The following KRT76 variants were observed in gnomAD, a reference collection of about 807,000 sequenced individuals.
KRT76 encodes the protein keratin, type II cytoskeletal 2 oral.
KRT76 carries 47 observed loss-of-function variants against 44.9 expected under a neutral mutation model. The observed-to-expected ratio is 1.05, with a 90% CI of 0.83 to 1.33. KRT76 has a LOEUF of 1.33. Ranked by LOEUF, KRT76 falls within the 40% of genes most tolerant of loss-of-function variation. KRT76 has a pLI of 0.00. For synonymous variants in KRT76, 331 were observed against 294.1 expected (o/e 1.13, Z -1.28); for missense variants, 860 against 775.8 (o/e 1.11, Z -1.29).
In KRT76 at chr12:52,771,880, G is replaced by A. The variant is rs1480445720; in HGVS notation, c.1254C>T (p.Val418=). The change falls in exon 6 of 9, where the codon GTC becomes GTT. Residue 418 remains valine, a synonymous_variant. Coordinates refer to ENST00000332411, the MANE Select transcript of KRT76 (RefSeq NM_015848.4). The part of the protein sequence containing the change: ...IQRLRAEIEN[V]KKQNANLQTA... The stretch of plus-strand genomic sequence containing the variant: ...TTAAACCCAGCCCCACCTGCTTCTT[G>A]ACATTTTCAATCTCAGCCCGTAGCC... 1.2e-6 allele frequency: 2 copies of A among 1,613,582 alleles called. No homozygotes were observed. The highest frequency in any genetic ancestry group is 4.5e-5 in the East Asian group (2 of 44,866).
At position 52,771,133 on chromosome 12, in the gene KRT76, C is replaced by A. The variant is rs780624968; in HGVS notation, c.1350G>T (p.Leu450Phe). The change falls in exon 7 of 9, where the codon TTG (leucine) becomes TTT (phenylalanine). Residue 450 changes from leucine (L) to phenylalanine (F), a missense_variant. Coordinates refer to ENST00000332411, the MANE Select transcript of KRT76 (RefSeq NM_015848.4). ...CCTTAGCCTTCTGTAGGGCAGTCTG[C>A]AAGTCTTGGAGCTTGGCATTGGCGT... Reference protein sequence around the residue: ...LKDANAKLQDLQTALQKAKDD... With the variant: ...LKDANAKLQDFQTALQKAKDD... 1.2e-6 allele frequency: 2 copies of A among 1,614,164 alleles called. No individual in the cohort carries two copies. The highest frequency in any genetic ancestry group is 1.7e-6 in the Non-Finnish European group (2 of 1,180,034).
Position 52,771,919 on chromosome 12 carries a change from G to A in KRT76, c.1215C>T (p.Asn405=). The stretch of plus-strand genomic sequence containing the variant: ...CAGCCCGTAGCCTCTGGATCATCCT[G>A]TTGAGCTCCATGATCTCACTCTTGG... ...RNTKSEIMEL[N]RMIQRLRAEI... The change falls in exon 6 of 9, where the codon AAC becomes AAT. Residue 405 remains asparagine, a synonymous_variant. Coordinates refer to ENST00000332411, the MANE Select transcript of KRT76 (RefSeq NM_015848.4). 6.2e-7 allele frequency: 1 copy of A among 1,614,108 alleles called. No individual in the cohort carries two copies. The highest frequency in any genetic ancestry group is 8.5e-7 in the Non-Finnish European group (1 of 1,180,008).
intron 4 of KRT76, 58 bp from the exon 5 acceptor site, chr12:52,772,316 T>A (rs951432645): frequency 1.3e-6 from 2 of 1,506,004 alleles, no homozygotes; most frequent in African/African-American, 2.8e-5. Context: ...ATGCTGGGAA[T>A]CCTCTACTAG....
chr12:52,770,165 G>T (rs1483678815), intron 7 of KRT76, among the ~76,000 whole-genome samples: 1 of 152,134 alleles, frequency 6.6e-6, no homozygotes, highest in African/African-American at 2.4e-5. Context: ...GATTGGGTCT[G>T]CATATCTTGC....
chr12:52,772,887 G>C lies in KRT76; in HGVS notation c.877-9C>G. ...AAAGCCGCATCCACATCCTGCAGAG[G>C]AGGTCAGAAACCCAGAGAATGACCC... On this transcript the variant is annotated splice_polypyrimidine_tract_variant and intron_variant, in intron 3 of 8. Transcript: ENST00000332411. 6.2e-7 allele frequency: 1 copy of C among 1,609,648 alleles called. No homozygotes were observed. Among genetic ancestry groups the C allele is most frequent in the African/African-American group, 1.3e-5 (1 of 74,922 alleles).
intron 8 of KRT76, 39 bp from the exon 9 acceptor site, chr12:52,769,149 G>C: frequency 1.5e-6 from 1 of 664,818 alleles, no homozygotes; most frequent in Non-Finnish European, 2.8e-6. Flanking sequence ...CAAAGGGCCT[G>C]GGAAACTGGA....
At chr12:52,772,395 C>T in intron 4 of KRT76, 137 bp from the exon 5 acceptor site, 4 of 789,974 alleles carry the variant, frequency 5.1e-6, no homozygotes, top group Non-Finnish European at 5.9e-6. Context: ...TTAGGCCTGG[C>T]TACAGCCTAA....
At chr12:52,769,132 A>G (rs745688928) in intron 8 of KRT76, 22 bp from the exon 9 acceptor site, 5 of 681,824 alleles carry the variant, frequency 7.3e-6, no homozygotes, top group Non-Finnish European at 1.4e-5. Context: ...CAGGCACACA[A>G]TTCAGGCAAA....
intron 4 of KRT76, among the ~76,000 whole-genome samples, 164 bp downstream of exon 4, chr12:52,772,619 A>T (rs1471172158): frequency 1.3e-5 from 2 of 152,204 alleles, no homozygotes; most frequent in African/African-American, 2.4e-5. Flanking sequence ...GGCCAGGTCT[A>T]TGCAGACTGA....
intron 2 of KRT76, among the ~76,000 whole-genome samples, chr12:52,775,056 C>T (rs543501382): frequency 1.7e-4 from 26 of 152,288 alleles, no homozygotes; most frequent in Admixed American, 1.0e-3. Flanking sequence ...TACAGGAATA[C>T]GCATTGTTGA....
At position 52,771,061 on chromosome 12, in the gene KRT76, G is replaced by A. The variant is rs1159417086; in HGVS notation, c.1422C>T (p.Val474=). The A allele has an allele frequency of 2.5e-6, 4 of 1,614,096 alleles. No homozygotes were observed. The Admixed American group carries it at 6.7e-5, about 27-fold the overall frequency. ...LLRDYQELMN[V]KLALDVEIAT... is the part of the protein sequence containing the mutation. ...CAATCTCCACATCCAGGGCCAGCTT[G>A]ACGTTCATCAGCTCCTGGTAGTCAC... The change falls in exon 7 of 9, where the codon GTC becomes GTT. Residue 474 remains valine (V), a synonymous_variant. Coordinates refer to ENST00000332411, the MANE Select transcript of KRT76 (RefSeq NM_015848.4).
At chr12:52,769,230 T>C in intron 8 of KRT76, 120 bp from the exon 9 acceptor site, 3 of 612,296 alleles carry the variant, frequency 4.9e-6, no homozygotes, top group South Asian at 4.0e-5. Context: ...ACTTATCTAA[T>C]GCCTCAGTTT....
At position 52,772,155 on chromosome 12, in the gene KRT76, G is replaced by T; in HGVS notation, c.1076C>A (p.Ala359Asp). The change falls in exon 5 of 9, where the codon GCC becomes GAC. Residue 359 changes from alanine (A) to aspartate (D), a missense_variant. Transcript: ENST00000332411. The part of the protein sequence containing the change: ...DLGSIIAEVR[A>D]QYEEIAQRSK... ...CCTCTGGGCAATCTCCTCATACTGG[G>T]CGCGGACCTCGGCAATGATGCTGCC... The T allele has an allele frequency of 1.9e-6, 3 of 1,613,744 alleles. No individual in the cohort carries two copies. The highest frequency in any genetic ancestry group is 2.5e-6 in the Non-Finnish European group (3 of 1,179,764).
intron 6 of KRT76, 37 bp from the exon 7 acceptor site, chr12:52,771,256 A>C (rs1313347792): frequency 6.3e-7 from 1 of 1,592,170 alleles, no homozygotes; most frequent in Admixed American, 1.7e-5. Flanking sequence ...TGACCCGGAA[A>C]CAAACACTTG....
Position 52,769,114 on chromosome 12 carries a change from C to T in KRT76, c.1520-4G>A. On this transcript the variant is annotated splice_region_variant and splice_polypyrimidine_tract_variant and intron_variant, in intron 8 of 8. Transcript: ENST00000332411. ...CTGGTGACATTGCTGACCACTGCTA[C>T]AAGACAACAGGCACACAATTCAGGC... 2.9e-6 allele frequency: 2 copies of T among 697,812 alleles called. No individual in the cohort carries two copies. The highest frequency in any genetic ancestry group is 5.4e-6 in the Non-Finnish European group (2 of 370,986). The allele number at this position is 697,812 out of a possible 1,614,324, so 43.2% of individuals were successfully genotyped here.
Position 52,772,857 on chromosome 12 carries a change from T to A in KRT76, c.898A>T (p.Asn300Tyr), listed in dbSNP as rs1565672565. Reference protein sequence around the residue: ...LKKDVDAAFMNKVELQAKVDS... With the variant: ...LKKDVDAAFMYKVELQAKVDS... ...ACTTTGGCCTGCAGCTCCACCTTGT[T>A]CATGAAAGCCGCATCCACATCCTGC... is the stretch of plus-strand genomic sequence containing the variant. The change falls in exon 4 of 9, where the codon AAC (asparagine) becomes TAC (tyrosine). Residue 300 changes from asparagine to tyrosine, a missense_variant. By Grantham distance (143) the Asn-to-Tyr change is moderately radical. Coordinates refer to ENST00000332411, the MANE Select transcript of KRT76 (RefSeq NM_015848.4). The A allele has an allele frequency of 2.5e-6, 4 of 1,614,086 alleles. No individual in the cohort carries two copies. The highest frequency in any genetic ancestry group is 3.4e-6 in the Non-Finnish European group (4 of 1,179,936).
rs149569624 is a variant in KRT76, at chr12:52,775,400, T to A, written c.803A>T (p.Asp268Val). Residue 268 changes from aspartate (D) to valine (V), a missense_variant, in exon 2 of 9, where the codon GAC becomes GTC. Physicochemically the swap from Asp to Val is radical, Grantham distance 152 (BLOSUM62 -3). Coordinates refer to ENST00000332411, the MANE Select transcript of KRT76 (RefSeq NM_015848.4). ...ELKSMQDLVEDFKKKYEDEIN... is the reference protein window; with the variant it reads ...ELKSMQDLVEVFKKKYEDEIN... ...GAGGAGCCCTCACTTCTTTTTGAAG[T>A]CTTCCACCAGGTCCTGCATGCTTTT... The A allele has an allele frequency of 2.5e-4, 406 of 1,614,140 alleles. 1 individual carries two copies. In the African/African-American group the frequency reaches 4.8e-3, roughly 19 times the overall value.
In KRT76 at chr12:52,777,029, C is replaced by G; in HGVS notation, c.263G>C (p.Cys88Ser). ...ACCTCCATAGCCACCTGCAAAGCCACAGCTGCTCCGCCCTCCCCCAAAGCC... is the reference window on the plus strand; with the variant it reads ...ACCTCCATAGCCACCTGCAAAGCCAGAGCTGCTCCGCCCTCCCCCAAAGCC... ...AGGFGGGRSS[C>S]GFAGGYGGGF... The change falls in exon 1 of 9, where the codon TGT becomes TCT. Residue 88 changes from cysteine (C) to serine (S), a missense_variant. Cys to Ser is a moderately radical substitution (Grantham distance 112). Coordinates refer to ENST00000332411, the MANE Select transcript of KRT76 (RefSeq NM_015848.4). 1 of 1,614,098 alleles carries G rather than the reference C, an allele frequency of 6.2e-7. No homozygotes were observed. The highest frequency in any genetic ancestry group is 8.5e-7 in the Non-Finnish European group (1 of 1,179,930).
At position 52,769,161 on chromosome 12, in the gene KRT76, G is replaced by A. The variant is rs190819263; in HGVS notation, c.1520-51C>T. On this transcript the variant is annotated intron_variant, in intron 8 of 8. Coordinates refer to ENST00000332411, the MANE Select transcript of KRT76 (RefSeq NM_015848.4). ...AGGCAAAGGGCCTGGGAAACTGGAA[G>A]CCAAGGACTGTATTACATCCCCACC... The A allele has an allele frequency of 4.7e-5, 31 of 657,348 alleles. No homozygotes were observed. In the Admixed American group the frequency reaches 6.8e-4, roughly 14 times the overall value. The allele number at this position is 657,348 out of a possible 1,614,324, so 40.7% of individuals were successfully genotyped here. A position where few individuals can be genotyped will look rare whatever the true frequency, so the allele number is the denominator to read the frequency against.
Sources: allele counts gnomAD v4.1 joint callset (sites outside exome capture counted in the v4.1 genomes callset), GRCh38; gene constraint gnomAD v4.1.1; transcripts MANE v1.5; gene names NCBI Gene and HGNC (gene_info 2026-07-23, HGNC 2026-07-21).